The following DLG1 variants were observed in gnomAD, a reference collection of about 807,000 sequenced individuals.
DLG1 encodes discs large MAGUK scaffold protein 1, also known as disks large homolog 1.
A neutral mutation model predicts 123.4 loss-of-function variants in DLG1; 42 were observed. The ratio of observed to expected loss-of-function variants is 0.34; its 90% confidence interval spans 0.27 to 0.44. The LOEUF is 0.44. DLG1 is among the 20% of genes least tolerant of loss of function. The pLI, the probability that DLG1 is intolerant of heterozygous loss-of-function variation, is 1.00. For synonymous variants in DLG1, 317 were observed against 356.2 expected, an observed-to-expected ratio of 0.89 and a Z score of 1.24; for missense variants, 942 against 1,082.6, an observed-to-expected ratio of 0.87 and a Z score of 1.82.
At chr3:197,280,583 G>A (rs1768826240) in intron 4 of DLG1, among the ~76,000 whole-genome samples, 1 of 152,068 alleles carries the variant, frequency 6.6e-6, no homozygotes, top group Admixed American at 6.6e-5. Flanking sequence ...CATAATGGCT[G>A]TAATAATTTA....
intron 11 of DLG1, 101 bp from the exon 12 acceptor site, chr3:197,119,631 A>G (rs936430543): frequency 2.7e-6 from 3 of 1,129,610 alleles, no homozygotes; most frequent in Non-Finnish European, 3.5e-6. Flanking sequence ...ACTCCTTTAT[A>G]TATCAGAATT....
intron 12 of DLG1, among the ~76,000 whole-genome samples, chr3:197,117,227 T>C (rs894577071): frequency 2.0e-5 from 3 of 152,294 alleles, no homozygotes; most frequent in Middle Eastern, 3.4e-3. Context: ...AACTCACACA[T>C]TACTGATGAG....
chr3:197,044,828 T>C, intron 24 of DLG1, 99 bp from the exon 25 acceptor site: 4 of 646,434 alleles, frequency 6.2e-6, no homozygotes, highest in Non-Finnish European at 9.8e-6. Flanking sequence ...TTTGAAAAAG[T>C]TACTCATCCA....
intron 4 of DLG1, among the ~76,000 whole-genome samples, chr3:197,237,149 A>T (rs1303291673): frequency 2.0e-5 from 3 of 152,232 alleles, no homozygotes; most frequent in African/African-American, 7.2e-5. Context: ...TCCAATTGAA[A>T]GAGAGCGTAG....
chr3:197,057,263 T>C (rs1252933951), intron 23 of DLG1, among the ~76,000 whole-genome samples: 3 of 152,156 alleles, frequency 2.0e-5, no homozygotes. Context: ...AAGTTTTCTG[T>C]AGAGACAGGA....
chr3:197,126,331 C>T (rs1779075046), intron 11 of DLG1, among the ~76,000 whole-genome samples: 1 of 151,942 alleles, frequency 6.6e-6, no homozygotes, highest in Admixed American at 6.6e-5. Context: ...ACAAAATTAG[C>T]AGGGCGTGGT....
intron 3 of DLG1, among the ~76,000 whole-genome samples, chr3:197,292,837 C>G (rs972065500): frequency 6.6e-6 from 1 of 152,192 alleles, no homozygotes; most frequent in African/African-American, 2.4e-5. Flanking sequence ...TCAACTTACT[C>G]AAGTCTCTAA....
At position 197,069,203 on chromosome 3, in the gene DLG1, A is replaced by C; in HGVS notation, c.2047+16T>G. 1 of 1,565,970 alleles carries C rather than the reference A, an allele frequency of 6.4e-7. No individual in the cohort carries two copies. Among genetic ancestry groups the C allele is most frequent in the Non-Finnish European group, 8.7e-7 (1 of 1,152,594 alleles). On this transcript the variant is annotated intron_variant, in intron 19 of 24. Coordinates refer to ENST00000667157, the MANE Select transcript of DLG1 (RefSeq NM_001366207.1). ...TACTCGAGATTACAAAAGAACAAGTAACTTAAAACACTTACGGTAACTACT... is the reference window on the plus strand; with the variant it reads ...TACTCGAGATTACAAAAGAACAAGTCACTTAAAACACTTACGGTAACTACT...
At chr3:197,169,895 G>A (rs114388281) in intron 5 of DLG1, among the ~76,000 whole-genome samples, 37 of 152,094 alleles carry the variant, frequency 2.4e-4, no homozygotes, top group African/African-American at 8.7e-4. Context: ...TATTTTTCCG[G>A]ATCTTCTCCC....
At chr3:197,269,933 AT>A (rs911360128) in intron 4 of DLG1, among the ~76,000 whole-genome samples, 2 of 152,154 alleles carry the variant, frequency 1.3e-5, no homozygotes, top group African/African-American at 4.8e-5. Flanking sequence ...TTAATACAAT[AT>A]TTTGCATTAA....
In DLG1 at chr3:197,140,173, G is replaced by A. The variant is rs1230328994; in HGVS notation, c.680C>T (p.Thr227Ile). ...DSSIFITKII[T>I]GGAAAQDGRL... ...TCCATCTTGGGCGGCTGCTCCCCCT[G>A]TGATAATTTTGGTAATGAAAATACT... The change falls in exon 8 of 25, where the codon ACA (threonine) becomes ATA (isoleucine). Residue 227 changes from threonine (T) to isoleucine (I), a missense_variant. Transcript: ENST00000667157. 1 of 1,613,398 alleles carries A rather than the reference G, an allele frequency of 6.2e-7. No individual in the cohort carries two copies. The highest frequency in any genetic ancestry group is 1.7e-5 in the Admixed American group (1 of 59,964).
Position 197,296,466 on chromosome 3 carries a change from C to T in DLG1, c.31G>A (p.Ala11Thr). The change falls in exon 3 of 25, where the codon GCA (alanine) becomes ACA (threonine). Residue 11 changes from alanine (A) to threonine (T), a missense_variant. By Grantham distance (58) the Ala-to-Thr change is moderately conservative. Transcript: ENST00000667157. MPVRKQDTQR[A>T]LHLLEEYRSK... ...CGATATTCCTCCAAAAGGTGCAATG[C>T]TCTCTGGGTATCTGAGAAGAAAAAG... 1 of 1,613,642 alleles carries T rather than the reference C, an allele frequency of 6.2e-7. No homozygotes were observed.
chr3:197,296,953 T>TGGGGGG, intron 2 of DLG1: 2 of 502,870 alleles, frequency 4.0e-6, no homozygotes, highest in South Asian at 2.4e-5. Flanking sequence ...GGACATCTGT[T>TGGGGGG]GGGGGGGGGC....
At chr3:197,147,432 G>GCACACACACACA (rs67643945) in intron 6 of DLG1, among the ~76,000 whole-genome samples, 58 of 147,194 alleles carry the variant, frequency 3.9e-4, no homozygotes, top group African/African-American at 6.5e-4. Flanking sequence ...TATATGGTGT[G>GCACACACACACA]CACACACACA....
Position 197,090,899 on chromosome 3 carries a change from T to G in DLG1, c.1661+13A>C. 1 of 1,509,768 alleles carries G rather than the reference T, an allele frequency of 6.6e-7. No homozygotes were observed. The highest frequency in any genetic ancestry group is 9.1e-7 in the Non-Finnish European group (1 of 1,102,566). 93.5% of individuals were successfully genotyped at this position (1,509,768 alleles called of 1,614,324 possible). A position where few individuals can be genotyped will look rare whatever the true frequency, so the allele number is the denominator to read the frequency against. ...AATTAAGATTTGCCATAATTAGAAG[T>G]AAAAAAATTTACCTGACATAGAGGG... On this transcript the variant is annotated intron_variant, in intron 15 of 24. Coordinates refer to ENST00000667157, the MANE Select transcript of DLG1 (RefSeq NM_001366207.1).
intron 9 of DLG1, among the ~76,000 whole-genome samples, chr3:197,137,496 A>G (rs554616805): frequency 2.0e-4 from 31 of 152,364 alleles, no homozygotes; most frequent in African/African-American, 6.5e-4. Context: ...CTTCAATATA[A>G]GAATACTTAA....
chr3:197,058,958 C>T (rs908877047), intron 23 of DLG1, among the ~76,000 whole-genome samples: 2 of 152,172 alleles, frequency 1.3e-5, no homozygotes, highest in Admixed American at 6.5e-5. Flanking sequence ...ATGGATCTCG[C>T]TCTGCCGCCC....
rs1449601359 is a variant in DLG1, at chr3:197,241,758, A to G, written c.318+40921T>C. Among the ~76,000 whole-genome samples, 3 of 152,200 alleles carry G rather than the reference A, an allele frequency of 2.0e-5. No individual in the cohort carries two copies. In the East Asian group the frequency reaches 5.8e-4, roughly 29 times the overall value. The stretch of plus-strand genomic sequence containing the variant: ...CTTTGTTTCTATTCTTTTGTGATCT[A>G]AGATAAGTTGTCAACTCTTTAAGAT... On this transcript the variant is annotated intron_variant, in intron 4 of 24. Transcript: ENST00000667157.
intron 16 of DLG1, among the ~76,000 whole-genome samples, chr3:197,082,137 C>T (rs1040028805): frequency 6.6e-6 from 1 of 151,698 alleles, no homozygotes; most frequent in Non-Finnish European, 1.5e-5. Context: ...TTTGGGAGGC[C>T]GAGGCGGGTG....
Sources: allele counts gnomAD v4.1 joint callset (sites outside exome capture counted in the v4.1 genomes callset), GRCh38; gene constraint gnomAD v4.1.1; transcripts MANE v1.5; gene names NCBI Gene and HGNC (gene_info 2026-07-23, HGNC 2026-07-21).